Variants in FSTL4 observed in about 807,000 individuals in gnomAD.
The protein encoded by FSTL4 is follistatin like 4.
A neutral mutation model predicts 78.2 loss-of-function variants in FSTL4; 28 were observed. The ratio of observed to expected loss-of-function variants is 0.36; its 90% CI spans 0.27 to 0.49. FSTL4 has a LOEUF of 0.49. Ranked by LOEUF, FSTL4 falls within the 20% of genes least tolerant of loss-of-function variation. The probability of loss-of-function intolerance (pLI) is 0.98; values close to 1 mark genes in which losing one functional copy is unlikely to be tolerated. For synonymous variants in FSTL4, 422 were observed against 440.5 expected (o/e 0.96, Z 0.53); for missense variants, 922 against 1,084.9 (o/e 0.85, Z 2.11).
At chr5:133,436,389 A>G (rs1757032548) in intron 3 of FSTL4, among the ~76,000 whole-genome samples, 3 of 152,120 alleles carry the variant, frequency 2.0e-5, no homozygotes, top group African/African-American at 7.2e-5. Flanking sequence ...TGTGGCAGGA[A>G]GGAGTGTGTT....
the FSTL4 span, among the ~76,000 whole-genome samples, chr5:133,688,127 G>A: frequency 6.6e-6 from 1 of 152,324 alleles, no homozygotes; most frequent in East Asian, 1.9e-4. Context: ...GGTGGTTCTA[G>A]GCCGGGCACA....
intron 3 of FSTL4, among the ~76,000 whole-genome samples, chr5:133,501,895 TAAG>T (rs1367664071): frequency 1.3e-5 from 2 of 151,988 alleles, no homozygotes; most frequent in Non-Finnish European, 2.9e-5. Context: ...ACTGTCCTTA[TAAG>T]AAGTGATAAG....
chr5:133,309,267 G>A (rs2126885168), intron 6 of FSTL4, among the ~76,000 whole-genome samples: 1 of 152,272 alleles, frequency 6.6e-6, no homozygotes, highest in Non-Finnish European at 1.5e-5. Context: ...AGAGGCAGAG[G>A]GCACTGCTGG....
intron 3 of FSTL4, among the ~76,000 whole-genome samples, chr5:133,488,770 G>A (rs1038736472): frequency 1.2e-4 from 19 of 152,280 alleles, no homozygotes; most frequent in Middle Eastern, 3.4e-3. Context: ...GTATGGGGGT[G>A]TTGGCTGCAA....
chr5:133,565,938 T>C (rs1013884129), intron 3 of FSTL4, among the ~76,000 whole-genome samples: 10 of 152,222 alleles, frequency 6.6e-5, no homozygotes, highest in African/African-American at 2.4e-4. Flanking sequence ...TCTTTCCAAC[T>C]TACATGGTCA....
At chr5:133,667,509 G>A in the FSTL4 span, among the ~76,000 whole-genome samples, 2 of 152,138 alleles carry the variant, frequency 1.3e-5, no homozygotes, top group African/African-American at 4.8e-5. Context: ...ATAAGACCCT[G>A]TTTAGCCTCA....
rs193273790 is a variant in FSTL4, at chr5:133,291,149, G to A, written c.727+21505C>T. Among the ~76,000 whole-genome samples, 7 of 152,358 alleles carry A rather than the reference G, an allele frequency of 4.6e-5. No homozygotes were observed. In the East Asian group the frequency reaches 9.6e-4, roughly 21 times the overall value. ...GGGGGAAAGTATGTTGGTGAGACAG[G>A]AGACACAGGAGGGGAGGGGAGTTTG... On this transcript the variant is annotated intron_variant, in intron 6 of 15. Coordinates refer to ENST00000265342, the MANE Select transcript of FSTL4 (RefSeq NM_015082.2).
At chr5:133,639,583 A>G in the FSTL4 span, among the ~76,000 whole-genome samples, 1 of 152,188 alleles carries the variant, frequency 6.6e-6, no homozygotes, top group Non-Finnish European at 1.5e-5. Flanking sequence ...TCAAGTCAGA[A>G]GGTTCCAGGC....
the FSTL4 span, among the ~76,000 whole-genome samples, chr5:133,641,054 T>C: frequency 1.3e-5 from 2 of 152,318 alleles, no homozygotes; most frequent in Middle Eastern, 3.4e-3. Flanking sequence ...TGGGGCACAA[T>C]TCCCATAGAC....
At chr5:133,318,707 GGC>G (rs1753970173) in intron 4 of FSTL4, among the ~76,000 whole-genome samples, 1 of 152,230 alleles carries the variant, frequency 6.6e-6, no homozygotes, top group Non-Finnish European at 1.5e-5. Context: ...TGGACAATCA[GGC>G]TCCGAAGAAC....
the FSTL4 span, among the ~76,000 whole-genome samples, chr5:133,675,181 C>T: frequency 6.6e-6 from 1 of 152,044 alleles, no homozygotes; most frequent in Non-Finnish European, 1.5e-5. Flanking sequence ...AAGGCTCTTT[C>T]CATTCATGTG....
intron 6 of FSTL4, among the ~76,000 whole-genome samples, chr5:133,285,831 T>A (rs1287152361): frequency 3.9e-5 from 6 of 152,244 alleles, no homozygotes; most frequent in Non-Finnish European, 8.8e-5. Context: ...AACCTCAGGA[T>A]GGGCCTGCAG....
chr5:133,495,987 C>T (rs572565285), intron 3 of FSTL4, among the ~76,000 whole-genome samples: 1 of 152,246 alleles, frequency 6.6e-6, no homozygotes, highest in South Asian at 2.1e-4. Flanking sequence ...GTCTTTGGGG[C>T]TCCTGCTGGG....
chr5:133,796,883 T>C, the FSTL4 span, among the ~76,000 whole-genome samples: 1 of 152,066 alleles, frequency 6.6e-6, no homozygotes, highest in African/African-American at 2.4e-5. Context: ...TGTTTCCCCC[T>C]CCTGTCTGTG....
the FSTL4 span, among the ~76,000 whole-genome samples, chr5:133,656,465 GC>G: frequency 6.6e-6 from 1 of 152,298 alleles, no homozygotes; most frequent in African/African-American, 2.4e-5. Flanking sequence ...GGGCAAGGAG[GC>G]ACAGGTTCTG....
the FSTL4 span, among the ~76,000 whole-genome samples, chr5:133,642,866 G>T: frequency 6.6e-6 from 1 of 152,206 alleles, no homozygotes; most frequent in South Asian, 2.1e-4. Flanking sequence ...GTATTACAAG[G>T]AGGAAGTCTT....
In FSTL4 at chr5:133,525,665, G is replaced by A. The variant is rs554236451; in HGVS notation, c.160+41521C>T. Among the ~76,000 whole-genome samples the A allele has an allele frequency of 2.5e-4, 38 of 152,318 alleles. No individual in the cohort carries two copies. The South Asian group carries it at 5.8e-3, about 23-fold the overall frequency. ...GTAATTGCCAGTTAAAGAGCACTTCGTCCTAATTAACCTCTTCAGGGAATG... is the reference window on the plus strand; with the variant it reads ...GTAATTGCCAGTTAAAGAGCACTTCATCCTAATTAACCTCTTCAGGGAATG... On this transcript the variant is annotated intron_variant, in intron 3 of 15. Transcript: ENST00000265342.
At chr5:133,667,565 A>G in the FSTL4 span, among the ~76,000 whole-genome samples, 5 of 152,276 alleles carry the variant, frequency 3.3e-5, no homozygotes, top group East Asian at 9.7e-4. Flanking sequence ...GCTCGAATAT[A>G]TCAGACCCAC....
chr5:133,383,018 T>C (rs1175553989), intron 4 of FSTL4, among the ~76,000 whole-genome samples: 2 of 152,170 alleles, frequency 1.3e-5, no homozygotes, highest in Non-Finnish European at 2.9e-5. Context: ...AGGCTCTGCG[T>C]GCCCACATGG....
Sources: allele counts gnomAD v4.1 joint callset (sites outside exome capture counted in the v4.1 genomes callset), GRCh38; gene constraint gnomAD v4.1.1; transcripts MANE v1.5; gene names NCBI Gene and HGNC (gene_info 2026-07-23, HGNC 2026-07-21).